Variants in BTBD7 observed in about 807,000 individuals in gnomAD.
BTBD7 encodes the protein BTB domain containing 7.
In BTBD7, 38 loss-of-function variants were observed where a neutral mutation model predicts 99.9. That is an observed-to-expected ratio of 0.38 (90% confidence interval 0.29 to 0.50). The LOEUF (loss-of-function observed/expected upper bound fraction) is 0.50. Ranked by LOEUF, BTBD7 falls within the 20% of genes least tolerant of loss-of-function variation. The probability of loss-of-function intolerance (pLI) is 0.93; values close to 1 mark genes in which losing one functional copy is unlikely to be tolerated. For missense variants in BTBD7, 1,170 were observed against 1,394.6 expected (o/e 0.84, Z 2.57); for synonymous variants, 520 against 511.4 (o/e 1.02, Z -0.23).
At chr14:93,250,331 T>C (rs2052356653) in intron 8 of BTBD7, among the ~76,000 whole-genome samples, 1 of 152,224 alleles carries the variant, frequency 6.6e-6, no homozygotes, top group South Asian at 2.1e-4. Context: ...TTGAACTGCA[T>C]TAACTCAAGC....
At chr14:93,270,499 C>A (rs982308071) in intron 3 of BTBD7, among the ~76,000 whole-genome samples, 2 of 151,982 alleles carry the variant, frequency 1.3e-5, no homozygotes, top group Admixed American at 6.5e-5. Context: ...TCGAGACAAG[C>A]CTAGCCAACA....
intron 3 of BTBD7, among the ~76,000 whole-genome samples, chr14:93,290,731 C>T (rs949401544): frequency 2.0e-5 from 3 of 151,562 alleles, no homozygotes; most frequent in Admixed American, 6.6e-5. Context: ...CACTCTGTCG[C>T]CCAGGCTGGT....
Position 93,245,943 on chromosome 14 carries a change from G to A in BTBD7, c.2465C>T (p.Ala822Val), listed in dbSNP as rs1566833352. Reference sequence around the variant, plus strand: ...AGTGCTGGTACAATCAGGCGGTGCAGCTTTCACACTCGGCAAGTAGACTGG... The same window carrying A: ...AGTGCTGGTACAATCAGGCGGTGCAACTTTCACACTCGGCAAGTAGACTGG... Reference protein sequence around the residue: ...PPPVYLPSVKAAPPDCTSTAG... With the variant: ...PPPVYLPSVKVAPPDCTSTAG... The change falls in exon 10 of 11, where the codon GCT becomes GTT. Residue 822 changes from alanine to valine, a missense_variant. By Grantham distance (64) the Ala-to-Val change is moderately conservative. Around this residue, in one of 4 missense-constraint regions of BTBD7, gnomAD observed 495 missense variants for 525.9 expected, o/e 0.94. Coordinates refer to ENST00000334746, the MANE Select transcript of BTBD7 (RefSeq NM_001002860.4). 1 of 1,614,176 alleles carries A rather than the reference G, an allele frequency of 6.2e-7. No homozygotes were observed. Among genetic ancestry groups the A allele is most frequent in the Non-Finnish European group, 8.5e-7 (1 of 1,180,028 alleles).
At chr14:93,264,394 C>G (rs549987591) in intron 3 of BTBD7, among the ~76,000 whole-genome samples, 1 of 152,328 alleles carries the variant, frequency 6.6e-6, no homozygotes, top group East Asian at 1.9e-4. Flanking sequence ...AGAGAATGCA[C>G]ACCTCAGAAT....
Position 93,238,315 on chromosome 14 carries a change from AG to A in BTBD7, c.*3957del, listed in dbSNP as rs1404927119. ...CTACATAACAGATATGACAATCTAC[AG>A]GACAAAAAGACAACATGTCACCAAA... On this transcript the variant is annotated 3_prime_UTR_variant, in exon 11 of 11. Transcript: ENST00000334746. 6.6e-6 allele frequency: 1 copy of A among 152,560 alleles called. No individual in the cohort carries two copies. Among genetic ancestry groups the A allele is most frequent in the Non-Finnish European group, 1.5e-5 (1 of 68,042 alleles). The allele number at this position is 152,560 out of a possible 1,614,324, so 9.5% of individuals were successfully genotyped here.
intron 3 of BTBD7, among the ~76,000 whole-genome samples, chr14:93,279,062 G>A (rs1314247093): frequency 1.3e-5 from 2 of 152,206 alleles, no homozygotes; most frequent in East Asian, 1.9e-4. Context: ...ACAGCAGAAT[G>A]TATGTACTTT....
intron 1 of BTBD7, among the ~76,000 whole-genome samples, chr14:93,322,552 A>C (rs2053281813): frequency 6.6e-6 from 1 of 152,212 alleles, no homozygotes; most frequent in African/African-American, 2.4e-5. Flanking sequence ...CAGAAGAGAG[A>C]TCTTGGCTTA....
rs756991052 is a variant in BTBD7, at chr14:93,240,602, G to A, written c.*1671C>T. 1.3e-5 allele frequency: 2 copies of A among 152,588 alleles called. No homozygotes were observed. Among genetic ancestry groups the A allele is most frequent in the African/African-American group, 4.8e-5 (2 of 41,440 alleles). The allele number at this position is 152,588 out of a possible 1,614,324, so 9.5% of individuals were successfully genotyped here. A position where few individuals can be genotyped will look rare whatever the true frequency, so the allele number is the denominator to read the frequency against. ...CCAAATATCCTGCAGAGGAAGGAAT[G>A]CTTAGAAAGCCTCTTTTCTTCTAAG... On this transcript the variant is annotated 3_prime_UTR_variant, in exon 11 of 11. Transcript: ENST00000334746.
chr14:93,326,344 A>G (rs917172550), intron 1 of BTBD7, among the ~76,000 whole-genome samples: 1 of 152,126 alleles, frequency 6.6e-6, no homozygotes, highest in Admixed American at 6.5e-5. Flanking sequence ...GCACATGCCC[A>G]TAGTCCCAGG....
chr14:93,302,814 C>T (rs781658309), intron 1 of BTBD7, among the ~76,000 whole-genome samples: 6 of 152,066 alleles, frequency 3.9e-5, no homozygotes, highest in Non-Finnish European at 5.9e-5. Flanking sequence ...CACTGTACTC[C>T]GCCCTGGGTG....
intron 1 of BTBD7, among the ~76,000 whole-genome samples, chr14:93,297,789 A>C (rs956754775): frequency 6.6e-6 from 1 of 152,204 alleles, no homozygotes; most frequent in Non-Finnish European, 1.5e-5. Flanking sequence ...CAGGGTTTAC[A>C]TTTAAAACAA....
At position 93,242,701 on chromosome 14, in the gene BTBD7, C is replaced by T; in HGVS notation, c.2971G>A (p.Ala991Thr). 1 of 1,614,178 alleles carries T rather than the reference C, an allele frequency of 6.2e-7. No homozygotes were observed. Residue 991 changes from alanine to threonine, a missense_variant, in exon 11 of 11, where the codon GCC (alanine) becomes ACC (threonine). Coordinates refer to ENST00000334746, the MANE Select transcript of BTBD7 (RefSeq NM_001002860.4). Reference protein sequence around the residue: ...NKASPSGLKSAYLPGQTSPKK... With the variant: ...NKASPSGLKSTYLPGQTSPKK... The stretch of plus-strand genomic sequence containing the variant: ...GGAGACGTCTGACCAGGTAGGTAGG[C>T]TGACTTTAAGCCACTTGGTGATGCC...
chr14:93,251,736 A>G (rs542047636), intron 7 of BTBD7, 84 bp from the exon 8 acceptor site: 2 of 1,151,392 alleles, frequency 1.7e-6, no homozygotes, highest in East Asian at 5.4e-5. Flanking sequence ...ACTTTCATCA[A>G]ATAAAAAGGG....
intron 3 of BTBD7, among the ~76,000 whole-genome samples, chr14:93,272,120 C>G (rs1267528068): frequency 6.6e-6 from 1 of 152,046 alleles, no homozygotes; most frequent in African/African-American, 2.4e-5. Context: ...AGTTTGAGAC[C>G]AGCCTGACCA....
chr14:93,306,555 A>T (rs970790), intron 1 of BTBD7, among the ~76,000 whole-genome samples: 58,390 of 151,976 alleles, frequency 0.38, 12,404 homozygotes, highest in African/African-American at 0.58. Context: ...CTAAAGGTAA[A>T]ATTCCTTGTA....
rs183533690 is a variant in BTBD7 at position 93,280,347 on chromosome 14, C to T, written c.1162+13511G>A. On this transcript the variant is annotated intron_variant, in intron 3 of 10. Transcript: ENST00000334746. ...TGTTCTTTAATGTAAACAATGTAAA[C>T]GTCAATTAGAAAGGAACACTGACAA... Among the ~76,000 whole-genome samples, 857 of 152,204 alleles carry T rather than the reference C, an allele frequency of 5.6e-3. 15 individuals are homozygous for T. Among genetic ancestry groups the T allele is most frequent in the Admixed American group, 0.025 (386 of 15,290 alleles).
intron 3 of BTBD7, chr14:93,288,312 G>C (rs981834901): frequency 1.7e-6 from 1 of 591,734 alleles, no homozygotes; most frequent in Non-Finnish European, 3.0e-6. Context: ...GAATACTCTA[G>C]TTTTATTTGT....
intron 1 of BTBD7, among the ~76,000 whole-genome samples, chr14:93,328,429 G>GA (rs769841733): frequency 5.3e-5 from 8 of 152,134 alleles, no homozygotes; most frequent in Non-Finnish European, 8.8e-5. Context: ...CAATGGAATA[G>GA]AATACACAGC....
intron 1 of BTBD7, among the ~76,000 whole-genome samples, chr14:93,331,160 C>G (rs1346361222): frequency 2.6e-5 from 4 of 152,050 alleles, no homozygotes; most frequent in African/African-American, 9.7e-5. Context: ...GAGACAGAGG[C>G]TCTCATTTTC....
Sources: gnomAD v4.1 joint callset for allele counts (sites outside exome capture counted in the v4.1 genomes callset) on GRCh38, gnomAD v4.1.1 for gene constraint, gnomAD v4.1.1 regional missense constraint, MANE v1.5 for transcripts, NCBI Gene and HGNC (gene_info 2026-07-23, HGNC 2026-07-21) for gene names.